RCHY1: variants seen among roughly 807,000 people sequenced by gnomAD.
RCHY1 encodes ring finger and CHY zinc finger domain containing 1.
In RCHY1, 21 loss-of-function variants were observed where a neutral mutation model predicts 41.6. The observed-to-expected ratio is 0.51, with a 90% CI of 0.36 to 0.73. The LOEUF (loss-of-function observed/expected upper bound fraction) is 0.73. Ranked by LOEUF, RCHY1 falls within the 30% of genes least tolerant of loss-of-function variation. The pLI, the probability that RCHY1 is intolerant of heterozygous loss-of-function variation, is 0.00. For missense variants in RCHY1, 265 were observed against 325.3 expected, an observed-to-expected ratio of 0.81 and a Z score of 1.43; for synonymous variants, 79 against 102.9, an observed-to-expected ratio of 0.77 and a Z score of 1.41.
Position 75,514,372 on chromosome 4 carries a change from C to A in RCHY1, c.-86G>T. 2 of 1,432,442 alleles carry A rather than the reference C, an allele frequency of 1.4e-6. No individual in the cohort carries two copies. Among genetic ancestry groups the A allele is most frequent in the South Asian group, 1.3e-5 (1 of 76,230 alleles). The allele number at this position is 1,432,442 out of a possible 1,614,324, so 88.7% of individuals were successfully genotyped here. ...GAAGCTGCGCCTCTCTAGCACACCC[C>A]TCCCAGCCCCAGCGGCCACTAGCGA... On this transcript the variant is annotated 5_prime_UTR_variant, in exon 1 of 9. It adds an upstream start codon to the 5' untranslated region. Coordinates refer to ENST00000324439, the MANE Select transcript of RCHY1 (RefSeq NM_015436.4).
chr4:75,485,444 T>C (rs751941256), intron 8 of RCHY1, among the ~76,000 whole-genome samples: 3 of 152,204 alleles, frequency 2.0e-5, no homozygotes, highest in Non-Finnish European at 4.4e-5. Context: ...TTTGTAAAGG[T>C]GTCTGTGTAC....
chr4:75,503,621 G>A (rs1578231687), intron 3 of RCHY1, among the ~76,000 whole-genome samples: 1 of 152,084 alleles, frequency 6.6e-6, no homozygotes, highest in Non-Finnish European at 1.5e-5. Context: ...GAACCCAGGA[G>A]GCAGAGGTTG....
intron 1 of RCHY1, among the ~76,000 whole-genome samples, chr4:75,512,385 T>C (rs1273118902): frequency 6.6e-6 from 1 of 152,200 alleles, no homozygotes. Context: ...CTCTATTAAC[T>C]TACTTGCAAA....
At chr4:75,492,012 T>C in intron 4 of RCHY1, 79 bp from the exon 5 acceptor site, 1 of 1,088,166 alleles carries the variant, frequency 9.2e-7, no homozygotes, top group African/African-American at 1.6e-5. Context: ...ATAATAAAAA[T>C]TAACAAAACC....
At chr4:75,485,859 T>G (rs1222732072) in intron 8 of RCHY1, among the ~76,000 whole-genome samples, 1 of 152,234 alleles carries the variant, frequency 6.6e-6, no homozygotes, top group Non-Finnish European at 1.5e-5. Flanking sequence ...TAACATTTGG[T>G]AAATAAAGCC....
intron 1 of RCHY1, among the ~76,000 whole-genome samples, chr4:75,513,683 T>C (rs1457976138): frequency 6.6e-6 from 1 of 152,248 alleles, no homozygotes; most frequent in East Asian, 1.9e-4. Flanking sequence ...CATAATTTCC[T>C]ATTTAATGGC....
intron 3 of RCHY1, among the ~76,000 whole-genome samples, chr4:75,499,419 T>C (rs1387055618): frequency 1.3e-5 from 2 of 152,162 alleles, no homozygotes; most frequent in African/African-American, 4.8e-5. Context: ...GCAAGTCCAC[T>C]AAAAGTACAT....
At chr4:75,511,730 G>A (rs549286803) in intron 1 of RCHY1, among the ~76,000 whole-genome samples, 2 of 151,744 alleles carry the variant, frequency 1.3e-5, no homozygotes, top group African/African-American at 4.8e-5. Flanking sequence ...GTATAGTTCA[G>A]TGCCACTGTC....
At chr4:75,511,679 T>C (rs1724893067) in intron 1 of RCHY1, among the ~76,000 whole-genome samples, 1 of 152,178 alleles carries the variant, frequency 6.6e-6, no homozygotes, top group Admixed American at 6.5e-5. Flanking sequence ...TTTATCAACA[T>C]TTTTAAGTGA....
chr4:75,490,860 T>C, intron 7 of RCHY1, 159 bp from the exon 8 acceptor site: 1 of 524,826 alleles, frequency 1.9e-6, no homozygotes, highest in Admixed American at 3.6e-5. Context: ...TTTCACACTA[T>C]AAAACTTTTA....
intron 8 of RCHY1, among the ~76,000 whole-genome samples, chr4:75,483,032 T>G (rs1721649816): frequency 6.6e-6 from 1 of 152,172 alleles, no homozygotes; most frequent in South Asian, 2.1e-4. Flanking sequence ...CAGTCAGAAA[T>G]GTATCTCAAT....
chr4:75,498,049 A>G (rs926383384), intron 3 of RCHY1, among the ~76,000 whole-genome samples: 1 of 149,212 alleles, frequency 6.7e-6, no homozygotes, highest in African/African-American at 2.5e-5. Context: ...CTAAAAACAC[A>G]ATACAAAAGA....
chr4:75,488,445 A>G (rs991454797), intron 8 of RCHY1, among the ~76,000 whole-genome samples: 1 of 152,196 alleles, frequency 6.6e-6, no homozygotes, highest in Non-Finnish European at 1.5e-5. Context: ...ACTTCTGACA[A>G]CTTTAGGACT....
At chr4:75,493,055 A>G (rs1185058935) in intron 4 of RCHY1, among the ~76,000 whole-genome samples, 1 of 151,986 alleles carries the variant, frequency 6.6e-6, no homozygotes, top group African/African-American at 2.4e-5. Context: ...CACACACACT[A>G]CACATGCTTT....
In RCHY1 at chr4:75,514,321, C is replaced by T. The variant is rs201951635; in HGVS notation, c.-35G>A. 7 of 1,593,524 alleles carry T rather than the reference C, an allele frequency of 4.4e-6. No individual in the cohort carries two copies. Among genetic ancestry groups the T allele is most frequent in the Middle Eastern group, 1.8e-4 (1 of 5,494 alleles). ...CTCCCCTCACATTCCACCGATCCTT[C>T]CCCCAGGATAAAAACCACGCCCAGA... On this transcript the variant is annotated 5_prime_UTR_variant, in exon 1 of 9. Coordinates refer to ENST00000324439, the MANE Select transcript of RCHY1 (RefSeq NM_015436.4).
Position 75,512,799 on chromosome 4 carries a change from G to A in RCHY1, c.90+1398C>T, listed in dbSNP as rs1030221462. Among the ~76,000 whole-genome samples the A allele has an allele frequency of 2.7e-5, 4 of 149,024 alleles. No individual in the cohort carries two copies. In the Admixed American group the frequency reaches 2.8e-4, roughly 10 times the overall value. ...CAAGATCACCAGTGACCTCTTCCTT[G>A]CCAAATCCAAAGGGCAATTCTCAGT... On this transcript the variant is annotated intron_variant, in intron 1 of 8. Coordinates refer to ENST00000324439, the MANE Select transcript of RCHY1 (RefSeq NM_015436.4).
At chr4:75,487,534 TTC>T (rs1722167289) in intron 8 of RCHY1, among the ~76,000 whole-genome samples, 1 of 126,964 alleles carries the variant, frequency 7.9e-6, no homozygotes, top group Non-Finnish European at 1.6e-5. Flanking sequence ...TCATAATATA[TTC>T]ATAATATATA....
At chr4:75,514,172 G>C (rs377277339) in intron 1 of RCHY1, 25 bp downstream of exon 1, 9 of 1,595,226 alleles carry the variant, frequency 5.6e-6, no homozygotes, top group Non-Finnish European at 7.7e-6. Context: ...AAGCTTGTCA[G>C]GGAAGAGTCC....
intron 3 of RCHY1, among the ~76,000 whole-genome samples, chr4:75,500,147 C>A (rs1005959966): frequency 1.3e-5 from 2 of 152,088 alleles, no homozygotes; most frequent in South Asian, 2.1e-4. Context: ...TCTCAAAAAA[C>A]AATAAATATT....
Sources: allele counts gnomAD v4.1 joint callset (sites outside exome capture counted in the v4.1 genomes callset), GRCh38; gene constraint gnomAD v4.1.1; transcripts MANE v1.5; gene names NCBI Gene and HGNC (gene_info 2026-07-23, HGNC 2026-07-21).